The following CTDP1 variants were observed in gnomAD, a reference collection of about 807,000 sequenced individuals.
CTDP1 encodes the protein CTD phosphatase 1.
CTDP1 carries 47 observed loss-of-function variants against 91.8 expected under a neutral mutation model. The observed-to-expected ratio is 0.51, with a 90% CI of 0.41 to 0.65. The LOEUF (loss-of-function observed/expected upper bound fraction) is 0.65. Among genes scored for constraint, CTDP1 ranks in the 30% least tolerant of loss-of-function variants. The pLI is 0.00. For missense variants in CTDP1, 1,272 were observed against 1,373.7 expected (o/e 0.93, Z 1.17); for synonymous variants, 656 against 598.5 (o/e 1.10, Z -1.40).
chr18:79,678,966 G>C (rs950032599), upstream of CTDP1: 3 of 208,928 alleles, frequency 1.4e-5, no homozygotes, highest in African/African-American at 2.4e-5. Context: ...AAAGTGCTGA[G>C]ACTACAGGCC....
At chr18:79,736,192 G>T in intron 11 of CTDP1, 163 bp from the exon 12 acceptor site, 1 of 865,662 alleles carries the variant, frequency 1.2e-6, no homozygotes. Context: ...CTTTGTTAAG[G>T]ATTGGTTGAG....
intron 1 of CTDP1, among the ~76,000 whole-genome samples, chr18:79,684,476 AAGCACC>A (rs1332041600): frequency 6.6e-6 from 1 of 152,102 alleles, no homozygotes; most frequent in Non-Finnish European, 1.5e-5. Context: ...AACCTGTGAA[AAGCACC>A]AGCACCAGCC....
At chr18:79,719,111 G>A (rs1186110971) in intron 10 of CTDP1, among the ~76,000 whole-genome samples, 2 of 152,218 alleles carry the variant, frequency 1.3e-5, no homozygotes, top group South Asian at 4.1e-4. Context: ...GCCAGGCACC[G>A]CGGCAAAGCC....
intron 12 of CTDP1, among the ~76,000 whole-genome samples, chr18:79,752,410 G>C (rs879191234): frequency 1.5e-4 from 15 of 102,022 alleles, no homozygotes; most frequent in Admixed American, 8.7e-4. Flanking sequence ...TAGTGGCACC[G>C]GCTGGTTATG....
chr18:79,707,544 A>G (rs932782952), intron 5 of CTDP1, among the ~76,000 whole-genome samples: 2 of 152,222 alleles, frequency 1.3e-5, no homozygotes, highest in African/African-American at 2.4e-5. Flanking sequence ...TCTGCTTTCT[A>G]TGCTAAAGTT....
chr18:79,736,167 G>A (rs1003390134), intron 11 of CTDP1, 188 bp from the exon 12 acceptor site: 17 of 704,494 alleles, frequency 2.4e-5, no homozygotes, highest in South Asian at 1.6e-4. Context: ...ATTTCCAAGC[G>A]TCTTTTGCCC....
At chr18:79,707,504 G>A (rs908818247) in intron 5 of CTDP1, among the ~76,000 whole-genome samples, 34 of 152,234 alleles carry the variant, frequency 2.2e-4, no homozygotes, top group African/African-American at 8.0e-4. Flanking sequence ...GAGCGTCACC[G>A]GGCCGTCTGG....
At position 79,736,367 on chromosome 18, in the gene CTDP1, C is replaced by G; in HGVS notation, c.2593C>G (p.Leu865Val). 2 of 1,549,272 alleles carry G rather than the reference C, an allele frequency of 1.3e-6. No homozygotes were observed. Among genetic ancestry groups the G allele is most frequent in the Non-Finnish European group, 1.7e-6 (2 of 1,146,984 alleles). Residue 865 changes from leucine to valine, a missense_variant, in exon 12 of 13, where the codon CTT becomes GTT. Around this residue, in one of 3 missense-constraint regions of CTDP1, gnomAD observed 881 missense variants for 911.6 expected, o/e 0.97. Coordinates refer to ENST00000613122, the MANE Select transcript of CTDP1 (RefSeq NM_004715.5). ...ESMDKEVDDI[L>V]GEGSDDSDSE... ...GGCTGTTTGTCAGGTGGACGACATC[C>G]TTGGAGAAGGCAGCGACGACAGCGA...
chr18:79,698,316 G>A (rs1472639269), intron 4 of CTDP1, among the ~76,000 whole-genome samples: 1 of 152,182 alleles, frequency 6.6e-6, no homozygotes, highest in Non-Finnish European at 1.5e-5. Flanking sequence ...GGTGCGAGGC[G>A]TGTCCTGAGA....
chr18:79,729,036 T>G lies in CTDP1; in HGVS notation c.2547T>G (p.Leu849=), dbSNP rs2086510473. 3 of 1,613,830 alleles carry G rather than the reference T, an allele frequency of 1.9e-6. No individual in the cohort carries two copies. The highest frequency in any genetic ancestry group is 2.5e-6 in the Non-Finnish European group (3 of 1,180,022). ...SMSETMPLYT[L]CKEDLESMDK... is the part of the protein sequence containing the mutation. ...CTGAGACAATGCCGCTGTACACTCT[T>G]TGTAAGGAGGATTTAGAGAGTATGG... Residue 849 remains leucine (L), a synonymous_variant, in exon 11 of 13, where the codon CTT becomes CTG. Coordinates refer to ENST00000613122, the MANE Select transcript of CTDP1 (RefSeq NM_004715.5).
At chr18:79,704,984 T>A in intron 5 of CTDP1, 67 bp downstream of exon 5, 1 of 1,602,590 alleles carries the variant, frequency 6.2e-7, no homozygotes, top group Non-Finnish European at 8.5e-7. Context: ...CGGTGATGGT[T>A]TCTTAAAGAT....
At chr18:79,736,256 C>G in intron 11 of CTDP1, 99 bp from the exon 12 acceptor site, 2 of 1,479,074 alleles carry the variant, frequency 1.4e-6, no homozygotes, top group South Asian at 1.2e-5. Flanking sequence ...AGCCCCCACC[C>G]TGCTGCACTC....
chr18:79,756,566 A>C (rs1193425640), downstream of CTDP1: 1 of 152,254 alleles, frequency 6.6e-6, no homozygotes, highest in Non-Finnish European at 1.5e-5. Context: ...GTTAGGGAAA[A>C]TATTAAATAC....
At chr18:79,733,353 T>C (rs975777993) in intron 11 of CTDP1, among the ~76,000 whole-genome samples, 5 of 152,072 alleles carry the variant, frequency 3.3e-5, no homozygotes, top group African/African-American at 7.2e-5. Context: ...CTCACACCCA[T>C]GTGTCGGTCC....
In CTDP1 at chr18:79,679,841, C is replaced by G. The variant is rs1372125187; in HGVS notation, c.-107C>G. 3.6e-6 allele frequency: 4 copies of G among 1,102,058 alleles called. No individual in the cohort carries two copies. Among genetic ancestry groups the G allele is most frequent in the East Asian group, 3.3e-5 (1 of 30,306 alleles). The allele number at this position is 1,102,058 out of a possible 1,614,324, so 68.3% of individuals were successfully genotyped here. On this transcript the variant is annotated 5_prime_UTR_variant, in exon 1 of 13. Coordinates refer to ENST00000613122, the MANE Select transcript of CTDP1 (RefSeq NM_004715.5). ...CTAGGCGACGGGTGGAAGCCGGTACCGAGAGGAACTACAGCGTCGCCGCCT... is the reference window on the plus strand; with the variant it reads ...CTAGGCGACGGGTGGAAGCCGGTACGGAGAGGAACTACAGCGTCGCCGCCT...
chr18:79,747,370 C>A (rs1181172919), intron 12 of CTDP1, among the ~76,000 whole-genome samples: 1 of 152,218 alleles, frequency 6.6e-6, no homozygotes, highest in Admixed American at 6.5e-5. Context: ...CTGTGGCATC[C>A]CCGCTGGGGC....
upstream of CTDP1, chr18:79,677,314 G>T (rs765186229): frequency 6.6e-6 from 1 of 152,236 alleles, no homozygotes; most frequent in Non-Finnish European, 1.5e-5. Context: ...ATTGAGCAAA[G>T]AATGATTCAG....
At chr18:79,705,725 T>G (rs184985708) in intron 5 of CTDP1, among the ~76,000 whole-genome samples, 1 of 152,376 alleles carries the variant, frequency 6.6e-6, no homozygotes, top group Non-Finnish European at 1.5e-5. Flanking sequence ...GTTGTTAGAC[T>G]GAGCATTTTA....
At chr18:79,680,322 A>T in intron 1 of CTDP1, 61 bp downstream of exon 1, 1 of 1,212,238 alleles carries the variant, frequency 8.2e-7, no homozygotes, top group Non-Finnish European at 1.0e-6. Context: ...ATCCTGGAGG[A>T]CCCCCGGGCT....
Sources: allele counts gnomAD v4.1 joint callset (sites outside exome capture counted in the v4.1 genomes callset), GRCh38; gene constraint gnomAD v4.1.1; regional missense constraint gnomAD v4.1.1; transcripts MANE v1.5; gene names NCBI Gene and HGNC (gene_info 2026-07-23, HGNC 2026-07-21).